The following FRAS1 variants were observed in gnomAD, a reference collection of about 807,000 sequenced individuals.
FRAS1 encodes extracellular matrix organizing protein FRAS1.
A neutral mutation model predicts 435.2 loss-of-function variants in FRAS1; 290 were observed. The ratio of observed to expected loss-of-function variants is 0.67; its 90% CI spans 0.61 to 0.73. The LOEUF (loss-of-function observed/expected upper bound fraction) is 0.73. Ranked by LOEUF, FRAS1 falls within the 30% of genes least tolerant of loss-of-function variation. FRAS1 has a pLI of 0.00. For synonymous variants in FRAS1, 1,800 were observed against 1,851.0 expected (o/e 0.97, Z 0.71); for missense variants, 4,860 against 5,001.5 (o/e 0.97, Z 0.85).
At chr4:78,137,440 G>A (rs1719970451) in intron 2 of FRAS1, among the ~76,000 whole-genome samples, 1 of 152,162 alleles carries the variant, frequency 6.6e-6, no homozygotes, top group Admixed American at 6.5e-5. Flanking sequence ...GAGAATGATT[G>A]TATCACTTTT....
chr4:78,149,191 C>T (rs1288500136), intron 2 of FRAS1, among the ~76,000 whole-genome samples: 1 of 152,088 alleles, frequency 6.6e-6, no homozygotes, highest in Non-Finnish European at 1.5e-5. Flanking sequence ...GTGAAAGGCC[C>T]ACAGTGAGTG....
intron 47 of FRAS1, among the ~76,000 whole-genome samples, chr4:78,454,666 A>T (rs1008503694): frequency 1.3e-5 from 2 of 152,170 alleles, no homozygotes; most frequent in Admixed American, 1.3e-4. Context: ...TGTGTTAGGC[A>T]ACTCATCCAC....
intron 14 of FRAS1, among the ~76,000 whole-genome samples, chr4:78,302,318 G>A (rs62309862): frequency 1.8e-4 from 27 of 151,746 alleles, no homozygotes; most frequent in Middle Eastern, 3.4e-3. Flanking sequence ...ATAAACATAC[G>A]TGTGCATGTG....
intron 2 of FRAS1, among the ~76,000 whole-genome samples, chr4:78,206,077 T>C (rs979109275): frequency 1.2e-4 from 19 of 152,132 alleles, no homozygotes; most frequent in African/African-American, 4.3e-4. Flanking sequence ...CTCAATCACA[T>C]AGAACCATGT....
chr4:78,379,534 T>A, intron 26 of FRAS1, 192 bp from the exon 27 acceptor site: 4 of 589,970 alleles, frequency 6.8e-6, no homozygotes, highest in Non-Finnish European at 1.2e-5. Flanking sequence ...ACGGTTGTGG[T>A]CTTTTGTAAC....
At chr4:78,533,193 A>G (rs1177951132) in intron 70 of FRAS1, among the ~76,000 whole-genome samples, 2 of 152,104 alleles carry the variant, frequency 1.3e-5, no homozygotes, top group Admixed American at 6.5e-5. Context: ...TTAGCATGCT[A>G]TATTATTTTT....
chr4:78,384,501 A>G (rs896370452), intron 28 of FRAS1, among the ~76,000 whole-genome samples: 10 of 152,212 alleles, frequency 6.6e-5, no homozygotes, highest in Admixed American at 4.6e-4. Flanking sequence ...ATAAATAGGG[A>G]GTCAATGTTT....
At position 78,466,022 on chromosome 4, in the gene FRAS1, C is replaced by T. The variant is rs530731678; in HGVS notation, c.7030-186C>T. Among the ~76,000 whole-genome samples the T allele has an allele frequency of 7.2e-5, 11 of 152,248 alleles. 1 individual carries two copies. In the South Asian group the frequency reaches 1.7e-3, roughly 23 times the overall value. On this transcript the variant is annotated intron_variant, in intron 49 of 73. Coordinates refer to ENST00000512123, the MANE Select transcript of FRAS1 (RefSeq NM_025074.7). ...ACAACTGAAGGTACCAGAATATAAGCGCAATTGTAGCAAACAGTATGGTCA... is the reference window on the plus strand; with the variant it reads ...ACAACTGAAGGTACCAGAATATAAGTGCAATTGTAGCAAACAGTATGGTCA...
intron 10 of FRAS1, among the ~76,000 whole-genome samples, chr4:78,279,786 G>C (rs1185992114): frequency 6.6e-6 from 1 of 152,048 alleles, no homozygotes; most frequent in African/African-American, 2.4e-5. Flanking sequence ...TATGCCAGTT[G>C]ATCATAAAAA....
intron 20 of FRAS1, among the ~76,000 whole-genome samples, chr4:78,340,010 G>C (rs775120324): frequency 6.6e-6 from 1 of 152,056 alleles, no homozygotes; most frequent in African/African-American, 2.4e-5. Context: ...TTATGCTAGG[G>C]CATATTTAAA....
intron 2 of FRAS1, among the ~76,000 whole-genome samples, chr4:78,113,448 T>C (rs1465153583): frequency 6.6e-6 from 1 of 152,100 alleles, no homozygotes; most frequent in Admixed American, 6.5e-5. Flanking sequence ...CCACCAACAG[T>C]GTAAAAGTGT....
chr4:78,411,057 T>C (rs1240475993), intron 31 of FRAS1, among the ~76,000 whole-genome samples: 1 of 150,852 alleles, frequency 6.6e-6, no homozygotes, highest in Non-Finnish European at 1.5e-5. Flanking sequence ...TTCTTTTCCT[T>C]TTTTCTTTTT....
intron 2 of FRAS1, among the ~76,000 whole-genome samples, chr4:78,114,491 C>A (rs544167229): frequency 1.3e-3 from 198 of 151,500 alleles, no homozygotes; most frequent in African/African-American, 4.6e-3. Context: ...TTGTTTGTAT[C>A]CTCTTTTATT....
intron 2 of FRAS1, among the ~76,000 whole-genome samples, chr4:78,204,907 G>A (rs1723194159): frequency 6.6e-6 from 1 of 152,114 alleles, no homozygotes. Flanking sequence ...TATTTTTGGG[G>A]ATCAGTAAAA....
chr4:78,355,173 C>T (rs1730800806), intron 20 of FRAS1, among the ~76,000 whole-genome samples: 1 of 152,042 alleles, frequency 6.6e-6, no homozygotes, highest in African/African-American at 2.4e-5. Flanking sequence ...TTTATTTCAG[C>T]TGGAGCTAAT....
chr4:78,445,743 C>A (rs1360063273), intron 42 of FRAS1, 31 bp downstream of exon 42: 1 of 1,612,832 alleles, frequency 6.2e-7, no homozygotes, highest in Admixed American at 1.7e-5. Flanking sequence ...AAAGGTTGAG[C>A]CCTTGACCAC....
intron 40 of FRAS1, among the ~76,000 whole-genome samples, chr4:78,440,845 C>G (rs1734629558): frequency 6.6e-6 from 1 of 152,180 alleles, no homozygotes; most frequent in Non-Finnish European, 1.5e-5. Flanking sequence ...GGCAGCCATC[C>G]TGGCAGGCAG....
At chr4:78,461,271 T>C (rs1226599489) in intron 47 of FRAS1, among the ~76,000 whole-genome samples, 2 of 152,236 alleles carry the variant, frequency 1.3e-5, no homozygotes, top group Admixed American at 6.5e-5. Flanking sequence ...TATATTACTT[T>C]CATATTGAAA....
chr4:78,243,488 A>C (rs2110121859), intron 3 of FRAS1, among the ~76,000 whole-genome samples: 1 of 152,214 alleles, frequency 6.6e-6, no homozygotes, highest in African/African-American at 2.4e-5. Flanking sequence ...CAAGCCATTC[A>C]GGGTTACATG....
Sources: allele counts gnomAD v4.1 joint callset (sites outside exome capture counted in the v4.1 genomes callset), GRCh38; gene constraint gnomAD v4.1.1; transcripts MANE v1.5; gene names NCBI Gene and HGNC (gene_info 2026-07-23, HGNC 2026-07-21).